The following SYN3 variants were observed in gnomAD, a reference collection of about 807,000 sequenced individuals.
SYN3 encodes synapsin-3.
In SYN3, 35 loss-of-function variants were observed where a neutral mutation model predicts 65.8. The observed-to-expected ratio is 0.53, with a 90% CI of 0.41 to 0.70. The LOEUF is 0.70. Among genes scored for constraint, SYN3 ranks in the 30% least tolerant of loss-of-function variants. The pLI, the probability that SYN3 is intolerant of heterozygous loss-of-function variation, is 0.00. For missense variants in SYN3, 680 were observed against 749.0 expected (o/e 0.91, Z 1.08); for synonymous variants, 270 against 292.9 (o/e 0.92, Z 0.80).
intron 1 of SYN3, among the ~76,000 whole-genome samples, chr22:33,053,293 G>A (rs1039339295): frequency 6.6e-6 from 1 of 152,088 alleles, no homozygotes; most frequent in Non-Finnish European, 1.5e-5. Flanking sequence ...TGCGGTGGCG[G>A]GTGCCTATAA....
chr22:32,604,077 A>C (rs1393274863), intron 6 of SYN3, among the ~76,000 whole-genome samples: 1 of 152,232 alleles, frequency 6.6e-6, no homozygotes, highest in Non-Finnish European at 1.5e-5. Context: ...CGCATCCTCA[A>C]TCCACAGAGT....
intron 6 of SYN3, among the ~76,000 whole-genome samples, chr22:32,805,668 C>T (rs130269): frequency 0.16 from 23,423 of 149,562 alleles, 2,353 homozygotes; most frequent in East Asian, 0.35. Flanking sequence ...GTATTGCACC[C>T]ATTTTTCAGA....
chr22:32,520,098 C>G (rs1337669295), intron 12 of SYN3, among the ~76,000 whole-genome samples: 1 of 152,014 alleles, frequency 6.6e-6, no homozygotes, highest in East Asian at 1.9e-4. Flanking sequence ...AATAGGTGAA[C>G]ATAATTTTAA....
chr22:32,820,483 G>A (rs1010249061), intron 6 of SYN3, among the ~76,000 whole-genome samples: 1 of 152,150 alleles, frequency 6.6e-6, no homozygotes, highest in East Asian at 1.9e-4. Flanking sequence ...CCTGAAAGCC[G>A]TAACTCCCCG....
chr22:32,693,193 T>C (rs2060689568), intron 6 of SYN3, among the ~76,000 whole-genome samples: 2 of 152,314 alleles, frequency 1.3e-5, no homozygotes, highest in Admixed American at 6.5e-5. Flanking sequence ...AGAACGATTA[T>C]AATAATATGT....
At chr22:32,525,708 C>CA (rs61433898) in intron 12 of SYN3, among the ~76,000 whole-genome samples, 3,735 of 80,150 alleles carry the variant, frequency 0.047, 105 homozygotes, top group African/African-American at 0.1. Context: ...GACTCCGTCT[C>CA]AAAAAAAAAA....
chr22:32,824,754 C>T (rs1440146354), intron 6 of SYN3, among the ~76,000 whole-genome samples: 31 of 152,166 alleles, frequency 2.0e-4, no homozygotes, highest in Non-Finnish European at 4.4e-4. Context: ...TGTTCTTTCG[C>T]TTCTGAACCA....
At chr22:32,998,795 A>AAC (rs2052972193) in intron 2 of SYN3, among the ~76,000 whole-genome samples, 3 of 150,342 alleles carry the variant, frequency 2.0e-5, no homozygotes, top group Non-Finnish European at 4.4e-5. Context: ...AAAAAAAAAA[A>AAC]AAAACAAAAG....
chr22:32,613,784 C>T (rs1361011372), intron 6 of SYN3, among the ~76,000 whole-genome samples: 1 of 152,190 alleles, frequency 6.6e-6, no homozygotes, highest in Non-Finnish European at 1.5e-5. Context: ...AACCCTCTGC[C>T]ATTCCAGGTG....
At chr22:32,592,823 C>T (rs1225696778) in intron 7 of SYN3, among the ~76,000 whole-genome samples, 1 of 152,214 alleles carries the variant, frequency 6.6e-6, no homozygotes, top group African/African-American at 2.4e-5. Context: ...GACTATCTCT[C>T]CAATTCCTTG....
intron 6 of SYN3, chr22:32,849,381 C>T (rs576487299): frequency 9.8e-5 from 136 of 1,387,832 alleles, no homozygotes; most frequent in Non-Finnish European, 1.2e-4. Context: ...CTAGCGTGCC[C>T]GCCCTGAGAT....
chr22:32,529,200 C>G (rs1019620701), intron 10 of SYN3, 192 bp from the exon 11 acceptor site: 1 of 614,950 alleles, frequency 1.6e-6, no homozygotes. Flanking sequence ...GTCTAAACCA[C>G]TCCCTGGAGG....
At chr22:32,699,607 G>A (rs1237443857) in intron 6 of SYN3, among the ~76,000 whole-genome samples, 3 of 151,840 alleles carry the variant, frequency 2.0e-5, no homozygotes, top group Non-Finnish European at 4.4e-5. Flanking sequence ...CATTGCTCTC[G>A]GGGCCCAATT....
chr22:32,657,815 C>G (rs2060163655), intron 6 of SYN3, among the ~76,000 whole-genome samples: 1 of 152,202 alleles, frequency 6.6e-6, no homozygotes, highest in African/African-American at 2.4e-5. Context: ...CCTACAGCCC[C>G]CCAGTGGAGA....
Position 32,762,821 on chromosome 22 carries a change from G to C in SYN3, c.711+102094C>G, listed in dbSNP as rs188332174. Reference sequence around the variant, plus strand: ...TTTCTGAGCCTCAGCTTCCCCATTTGTAAGGTAAGGAAAATAGTAATCATC... The same window carrying C: ...TTTCTGAGCCTCAGCTTCCCCATTTCTAAGGTAAGGAAAATAGTAATCATC... On this transcript the variant is annotated intron_variant, in intron 6 of 13. Transcript: ENST00000358763. Among the ~76,000 whole-genome samples the C allele has an allele frequency of 1.8e-3, 278 of 152,268 alleles. 1 individual carries two copies. The highest frequency in any genetic ancestry group is 6.5e-3 in the African/African-American group (272 of 41,566).
chr22:33,028,979 G>A (rs1277865902), intron 1 of SYN3, among the ~76,000 whole-genome samples: 1 of 151,844 alleles, frequency 6.6e-6, no homozygotes, highest in Admixed American at 6.6e-5. Flanking sequence ...GGCAGAGCTT[G>A]CAGTGAGCCA....
intron 3 of SYN3, among the ~76,000 whole-genome samples, chr22:32,972,319 G>A (rs545363509): frequency 1.3e-5 from 2 of 152,274 alleles, no homozygotes; most frequent in Admixed American, 1.3e-4. Flanking sequence ...ACAAGAATGA[G>A]GCAGGTCTGC....
chr22:32,699,902 C>A (rs1240956270), intron 6 of SYN3, among the ~76,000 whole-genome samples: 1 of 152,154 alleles, frequency 6.6e-6, no homozygotes, highest in Non-Finnish European at 1.5e-5. Flanking sequence ...TAGAATTCCT[C>A]TGAATGTAAT....
Position 32,509,410 on chromosome 22 carries a change from C to G in SYN3, c.*4282G>C, listed in dbSNP as rs1274185989. The stretch of plus-strand genomic sequence containing the variant: ...GACTCCCCTCTCCCTCCTTTTTGCC[C>G]TTTCCCATTTCAAAATGTCACAATT... On this transcript the variant is annotated 3_prime_UTR_variant, in exon 14 of 14. Transcript: ENST00000358763. Among the ~76,000 whole-genome samples the G allele has an allele frequency of 2.6e-5, 4 of 152,028 alleles. No individual in the cohort carries two copies.
Sources: gnomAD v4.1 joint callset for allele counts (sites outside exome capture counted in the v4.1 genomes callset) on GRCh38, gnomAD v4.1.1 for gene constraint, MANE v1.5 for transcripts, NCBI Gene and HGNC (gene_info 2026-07-23, HGNC 2026-07-21) for gene names.